DNHD1: variants seen among roughly 807,000 people sequenced by gnomAD.
The protein encoded by DNHD1 is dynein heavy chain domain 1.
Under a neutral mutation model 458.1 loss-of-function variants are expected in DNHD1, and 383 were observed. That is an observed-to-expected ratio of 0.84 (90% CI 0.77 to 0.91). The LOEUF (loss-of-function observed/expected upper bound fraction) is 0.91, where lower values mean the gene tolerates loss of function less well. DNHD1 is among the 40% of genes least tolerant of loss of function. The pLI, the probability that DNHD1 is intolerant of heterozygous loss-of-function variation, is 0.00. For missense variants in DNHD1, 5,336 were observed against 5,866.1 expected (o/e 0.91, Z 2.95); for synonymous variants, 2,203 against 2,376.9 (o/e 0.93, Z 2.13).
At chr11:6,551,990 G>T (rs925778771) in intron 24 of DNHD1, among the ~76,000 whole-genome samples, 9 of 149,076 alleles carry the variant, frequency 6.0e-5, no homozygotes, top group Non-Finnish European at 1.0e-4. Flanking sequence ...TGTAATCCCA[G>T]CTACTAGGGA....
chr11:6,538,253 A>G, intron 14 of DNHD1, 130 bp from the exon 15 acceptor site: 1 of 701,966 alleles, frequency 1.4e-6, no homozygotes, highest in Non-Finnish European at 2.4e-6. Flanking sequence ...TTGGAACTCC[A>G]CCTCCCCCAC....
intron 24 of DNHD1, among the ~76,000 whole-genome samples, chr11:6,549,897 A>G (rs1359026402): frequency 6.6e-6 from 1 of 152,232 alleles, no homozygotes; most frequent in Non-Finnish European, 1.5e-5. Flanking sequence ...TAAAGTTTCT[A>G]AAGTGGTATG....
At chr11:6,553,535 C>T (rs1246573781) in intron 24 of DNHD1, among the ~76,000 whole-genome samples, 2 of 152,096 alleles carry the variant, frequency 1.3e-5, no homozygotes, top group African/African-American at 4.8e-5. Context: ...TTAGAAAAGA[C>T]AAGTTAAAAC....
Position 6,538,433 on chromosome 11 carries a change from C to T in DNHD1, c.3049C>T (p.Gln1017Ter). Reference protein sequence around the residue: ...LPICGTRPIVQQQRIWHLYRV... With the variant: ...LPICGTRPIV The stretch of plus-strand genomic sequence containing the variant: ...AATCTGTGGGACACGTCCTATTGTG[C>T]AGCAGCAGCGCATATGGCACCTGTA... The change falls in exon 15 of 43, where the codon CAG becomes TAG. Residue 1017 changes from glutamine (Q) to a stop codon, truncating the protein, a stop_gained. Transcript: ENST00000254579. LOFTEE classifies it high-confidence loss of function. The T allele has an allele frequency of 6.4e-7, 1 of 1,551,756 alleles. No individual in the cohort carries two copies. Among genetic ancestry groups the T allele is most frequent in the Non-Finnish European group, 8.7e-7 (1 of 1,147,004 alleles).
rs191819030 is a variant in DNHD1, at chr11:6,497,834, C to A, written c.-382C>A. 5 of 220,996 alleles carry A rather than the reference C, an allele frequency of 2.3e-5. No individual in the cohort carries two copies. The highest frequency in any genetic ancestry group is 1.1e-4 in the African/African-American group (5 of 44,012). The allele number at this position is 220,996 out of a possible 1,614,324, so 13.7% of individuals were successfully genotyped here. A position where few individuals can be genotyped will look rare whatever the true frequency, so the allele number is the denominator to read the frequency against. ...CTTCCCTTGCCTTGCCTCCTAACCC[C>A]CCTAGGCCAGGTGAGGGGGACAGGG... is the stretch of plus-strand genomic sequence containing the variant. On this transcript the variant is annotated 5_prime_UTR_variant, in exon 3 of 43. Coordinates refer to ENST00000254579, the MANE Select transcript of DNHD1 (RefSeq NM_144666.3).
intron 39 of DNHD1, 57 bp downstream of exon 39, chr11:6,568,923 T>TTCCA (rs1853773045): frequency 6.6e-7 from 1 of 1,517,178 alleles, no homozygotes; most frequent in Admixed American, 2.0e-5. Flanking sequence ...ATTGAGTATC[T>TTCCA]TCCATATGCT....
Position 6,570,804 on chromosome 11 carries a change from G to A in DNHD1, c.13292G>A (p.Gly4431Asp). The A allele has an allele frequency of 6.2e-7, 1 of 1,613,842 alleles. No homozygotes were observed. The highest frequency in any genetic ancestry group is 1.1e-5 in the South Asian group (1 of 91,070). ...GTGTGGGTTCCTGAGTCTCGAAGAG[G>A]CGCCCAGCTTGCGGAAAGGCGACTG... ...SPVWVPESRR[G>D]AQLAERRLRQ... Residue 4431 changes from glycine (G) to aspartate (D), a missense_variant, in exon 42 of 43, where the codon GGC (glycine) becomes GAC (aspartate). Gly to Asp is a moderately conservative substitution (Grantham distance 94). This residue lies in a region of DNHD1 where 698 missense variants were observed against 664.9 expected (regional missense o/e 1.05). Coordinates refer to ENST00000254579, the MANE Select transcript of DNHD1 (RefSeq NM_144666.3).
At chr11:6,511,165 C>A in intron 6 of DNHD1, 108 bp from the exon 7 acceptor site, 1 of 1,406,148 alleles carries the variant, frequency 7.1e-7, no homozygotes, top group South Asian at 1.4e-5. Context: ...ATATTACAAT[C>A]TCTATAAATA....
rs1173926994 is a variant in DNHD1 at position 6,545,071 on chromosome 11, T to C, written c.4132T>C (p.Cys1378Arg). 2.4e-5 allele frequency: 37 copies of C among 1,551,824 alleles called. 1 individual carries two copies. The highest frequency in any genetic ancestry group is 3.6e-5 in the South Asian group (3 of 84,070). Residue 1378 changes from cysteine to arginine, a missense_variant, in exon 21 of 43, where the codon TGC becomes CGC. Around this residue, in one of 4 missense-constraint regions of DNHD1, gnomAD observed 3,932 missense variants for 4,365.6 expected, o/e 0.90. Transcript: ENST00000254579. This position sits in a 1 kb window ranked among gnomAD's most constrained non-coding sequence, Gnocchi z 4.9. ...CCTGCTGGCTGCTCGACTGGAATCA[T>C]GCGAAGCCCAGCTATGGGTACGACG... Reference protein sequence around the residue: ...VALLAARLESCEAQLWVRRCF... With the variant: ...VALLAARLESREAQLWVRRCF...
chr11:6,555,299 C>T (rs1853438810), intron 24 of DNHD1, among the ~76,000 whole-genome samples: 1 of 152,088 alleles, frequency 6.6e-6, no homozygotes, highest in Admixed American at 6.5e-5. Flanking sequence ...GGACTGATCT[C>T]CCGGCTCATT....
chr11:6,545,928 C>G lies in DNHD1; in HGVS notation c.4989C>G (p.Ser1663Arg). Reference protein sequence around the residue: ...YLGPRLGPLPSLLPERPALVL... With the variant: ...YLGPRLGPLPRLLPERPALVL... ...GACCTAGACTAGGGCCTCTACCCAGCCTACTGCCTGAACGGCCAGCCCTGG... is the reference window on the plus strand; with the variant it reads ...GACCTAGACTAGGGCCTCTACCCAGGCTACTGCCTGAACGGCCAGCCCTGG... Residue 1663 changes from serine (S) to arginine (R), a missense_variant, in exon 21 of 43, where the codon AGC (serine) becomes AGG (arginine). By Grantham distance (110) the Ser-to-Arg change is moderately radical (BLOSUM62 -1). Coordinates refer to ENST00000254579, the MANE Select transcript of DNHD1 (RefSeq NM_144666.3). The surrounding 1 kb of genome is among the most constrained non-coding windows in gnomAD (Gnocchi z 4.9). The G allele has an allele frequency of 1.9e-6, 3 of 1,551,784 alleles. No individual in the cohort carries two copies. The highest frequency in any genetic ancestry group is 1.4e-5 in the African/African-American group (1 of 73,178).
chr11:6,506,863 C>T (rs1416484812), intron 4 of DNHD1, among the ~76,000 whole-genome samples: 3 of 152,158 alleles, frequency 2.0e-5, no homozygotes, highest in Non-Finnish European at 2.9e-5. Context: ...GATGTATCCT[C>T]AGGGCTTAGA....
chr11:6,567,893 C>T, intron 36 of DNHD1, 33 bp downstream of exon 36: 2 of 1,571,992 alleles, frequency 1.3e-6, no homozygotes, highest in Non-Finnish European at 1.7e-6. Flanking sequence ...ACAGAGTGAC[C>T]AGGCTCCTGT....
Position 6,564,571 on chromosome 11 carries a change from T to G in DNHD1, c.10523T>G (p.Phe3508Cys), listed in dbSNP as rs1853656886. 1 of 1,551,562 alleles carries G rather than the reference T, an allele frequency of 6.4e-7. No homozygotes were observed. Among genetic ancestry groups the G allele is most frequent in the African/African-American group, 1.4e-5 (1 of 73,020 alleles). ...KNPLLATHSP[F>C]SILSLLSSES... is the part of the protein sequence containing the mutation. ...CCCCTGCTGGCTACACACTCTCCCT[T>G]CAGTATTCTGTCCTTGCTGAGCTCT... is the stretch of plus-strand genomic sequence containing the variant. The change falls in exon 32 of 43, where the codon TTC (phenylalanine) becomes TGC (cysteine). Residue 3508 changes from phenylalanine (F) to cysteine (C), a missense_variant. Phe to Cys is a radical substitution (Grantham distance 205). Coordinates refer to ENST00000254579, the MANE Select transcript of DNHD1 (RefSeq NM_144666.3).
intron 7 of DNHD1, among the ~76,000 whole-genome samples, chr11:6,511,842 CCTT>C (rs1046351849): frequency 2.3e-4 from 35 of 152,294 alleles, no homozygotes; most frequent in African/African-American, 6.5e-4. Flanking sequence ...ATGATGGAGT[CCTT>C]CTTAATTATG....
chr11:6,540,458 C>T (rs919689733), intron 18 of DNHD1, among the ~76,000 whole-genome samples: 1 of 152,188 alleles, frequency 6.6e-6, no homozygotes, highest in African/African-American at 2.4e-5. Flanking sequence ...TATTCTCTCC[C>T]TCATCAAACC....
intron 28 of DNHD1, among the ~76,000 whole-genome samples, chr11:6,559,596 G>A (rs1343596459): frequency 6.6e-6 from 1 of 152,174 alleles, no homozygotes; most frequent in Admixed American, 6.5e-5. Flanking sequence ...GGGGGTTGGG[G>A]CAGGCATTAC....
At chr11:6,550,908 A>G (rs1248225505) in intron 24 of DNHD1, among the ~76,000 whole-genome samples, 4 of 152,224 alleles carry the variant, frequency 2.6e-5, no homozygotes, top group Non-Finnish European at 4.4e-5. Context: ...GTAAATCTGA[A>G]ATCATATTAA....
At position 6,547,139 on chromosome 11, in the gene DNHD1, AC is replaced by A. The variant is rs1853238670; in HGVS notation, c.6201del (p.Asn2067LysfsTer18). On this transcript the variant is annotated frameshift_variant, in exon 21 of 43. Coordinates refer to ENST00000254579, the MANE Select transcript of DNHD1 (RefSeq NM_144666.3). LOFTEE classifies it high-confidence loss of function. ...CTTCGTGCAGCCGGTCAGTGTAACA[AC>A]ATGGGCCAAAAGAGGCAGACAGAGG... ...KVLRAAGQCN[N>X]MGQKRQTEES... 1 of 1,551,616 alleles carries A rather than the reference AC, an allele frequency of 6.4e-7. No individual in the cohort carries two copies. The highest frequency in any genetic ancestry group is 8.7e-7 in the Non-Finnish European group (1 of 1,146,994).
Sources: allele counts gnomAD v4.1 joint callset (sites outside exome capture counted in the v4.1 genomes callset), GRCh38; gene constraint gnomAD v4.1.1; regional missense constraint gnomAD v4.1.1; non-coding constraint Gnocchi (gnomAD v3.1); transcripts MANE v1.5; gene names NCBI Gene and HGNC (gene_info 2026-07-23, HGNC 2026-07-21).